Variants in EPC1 observed in about 807,000 individuals in gnomAD.
EPC1 encodes the protein enhancer of polycomb homolog 1.
In EPC1, 12 loss-of-function variants were observed where a neutral mutation model predicts 98.4. That is an observed-to-expected ratio of 0.12 (90% CI 0.08 to 0.20). EPC1 has a LOEUF of 0.20. Among genes scored for constraint, EPC1 ranks in the 10% least tolerant of loss-of-function variants. EPC1 has a pLI of 1.00. For missense variants in EPC1, 729 were observed against 990.5 expected (o/e 0.74, Z 3.54); for synonymous variants, 357 against 363.9 (o/e 0.98, Z 0.21).
intron 10 of EPC1, among the ~76,000 whole-genome samples, chr10:32,279,823 G>A (rs907912891): frequency 7.2e-5 from 11 of 151,956 alleles, no homozygotes; most frequent in African/African-American, 2.2e-4. Context: ...AACTGTATTT[G>A]GAAACTGTCC....
intron 1 of EPC1, chr10:32,345,364 TAAAC>T (rs1452185784): frequency 3.0e-5 from 30 of 985,448 alleles, no homozygotes; most frequent in Non-Finnish European, 3.4e-5. Flanking sequence ...TTTAAAAGGT[TAAAC>T]AACCCAAAGA....
chr10:32,339,007 C>A (rs114513342), intron 1 of EPC1, among the ~76,000 whole-genome samples: 3,861 of 151,736 alleles, frequency 0.025, 165 homozygotes, highest in African/African-American at 0.089. Flanking sequence ...ATCTCAAATT[C>A]TCATGACAAT....
intron 6 of EPC1, 92 bp from the exon 7 acceptor site, chr10:32,287,366 A>G: frequency 4.9e-6 from 6 of 1,235,690 alleles, no homozygotes; most frequent in Non-Finnish European, 6.9e-6. Context: ...GTTTATTGCT[A>G]TAATGAGGGC....
chr10:32,289,241 C>G (rs1409842762), intron 6 of EPC1, among the ~76,000 whole-genome samples: 1 of 152,034 alleles, frequency 6.6e-6, no homozygotes, highest in Middle Eastern at 3.2e-3. Context: ...TGGGGCACAG[C>G]TCTAACTTTC....
intron 1 of EPC1, chr10:32,345,264 C>G (rs772641466): frequency 2.0e-4 from 195 of 985,272 alleles, no homozygotes; most frequent in Admixed American, 6.1e-4. Context: ...ACTAGACAAT[C>G]TGAGCTACTA....
At chr10:32,269,746 A>G (rs112311176) in intron 13 of EPC1, among the ~76,000 whole-genome samples, 181 of 152,366 alleles carry the variant, frequency 1.2e-3, no homozygotes, top group African/African-American at 3.7e-3. Context: ...TAGCTGACAG[A>G]TGAGCTATAT....
At chr10:32,339,296 G>C (rs1330187789) in intron 1 of EPC1, among the ~76,000 whole-genome samples, 5 of 152,168 alleles carry the variant, frequency 3.3e-5, no homozygotes, top group Admixed American at 2.0e-4. Context: ...TTACAGTCAA[G>C]AAAACCTGGG....
In EPC1 at chr10:32,271,850, C is replaced by A; in HGVS notation, c.2073G>T (p.Thr691=). The stretch of plus-strand genomic sequence containing the variant: ...AAGGCTGTAACAAAGCTGAACCTGC[C>A]GTTGATGGACTTGTATGTACAAGTG... ...PTALVHTSPS[T]AGSALLQPSN... is the part of the protein sequence containing the mutation. Residue 691 remains threonine, a synonymous_variant, in exon 13 of 14, where the codon ACG becomes ACT. Transcript: ENST00000319778. 6.2e-7 allele frequency: 1 copy of A among 1,614,024 alleles called. No homozygotes were observed. The highest frequency in any genetic ancestry group is 8.5e-7 in the Non-Finnish European group (1 of 1,180,008).
At chr10:32,370,589 C>T (rs1307049892) in intron 1 of EPC1, among the ~76,000 whole-genome samples, 1 of 152,084 alleles carries the variant, frequency 6.6e-6, no homozygotes, top group Non-Finnish European at 1.5e-5. Context: ...CAGTGGTGCA[C>T]GAGTGTGAGC....
At chr10:32,357,511 A>C (rs1267184827) in intron 1 of EPC1, among the ~76,000 whole-genome samples, 4 of 152,204 alleles carry the variant, frequency 2.6e-5, no homozygotes, top group Non-Finnish European at 5.9e-5. Context: ...CCCAGGCTGC[A>C]GTGCAGTTGT....
intron 1 of EPC1, among the ~76,000 whole-genome samples, chr10:32,317,458 A>T (rs1221157311): frequency 1.3e-5 from 2 of 151,876 alleles, no homozygotes; most frequent in Non-Finnish European, 2.9e-5. Context: ...CCTGACCAAC[A>T]TAGGGAAACC....
chr10:32,364,535 C>G (rs182611137), intron 1 of EPC1, among the ~76,000 whole-genome samples: 2 of 152,278 alleles, frequency 1.3e-5, no homozygotes, highest in African/African-American at 4.8e-5. Flanking sequence ...GTTGAATGGT[C>G]TTGATGTTAA....
intron 1 of EPC1, among the ~76,000 whole-genome samples, chr10:32,352,444 C>T (rs1839142664): frequency 6.6e-6 from 1 of 152,090 alleles, no homozygotes; most frequent in African/African-American, 2.4e-5. Flanking sequence ...CTAAGTAAAA[C>T]AAACCATGTA....
At chr10:32,368,729 G>C (rs1297262172) in intron 1 of EPC1, among the ~76,000 whole-genome samples, 1 of 152,094 alleles carries the variant, frequency 6.6e-6, no homozygotes, top group African/African-American at 2.4e-5. Context: ...ACCTGAATGC[G>C]GTAATCTTTT....
chr10:32,303,906 G>C (rs1027946136), intron 2 of EPC1, among the ~76,000 whole-genome samples: 1 of 152,258 alleles, frequency 6.6e-6, no homozygotes, highest in African/African-American at 2.4e-5. Flanking sequence ...TGGAGGAACT[G>C]TGCAGGAGAC....
chr10:32,271,372 T>C (rs751112044), intron 13 of EPC1, among the ~76,000 whole-genome samples, 182 bp downstream of exon 13: 27 of 152,312 alleles, frequency 1.8e-4, no homozygotes, highest in Non-Finnish European at 2.9e-4. Flanking sequence ...ATTCTTAATA[T>C]TGAATTAAGT....
rs146645563 is a variant in EPC1, at chr10:32,368,589, A to G, written c.3+9902T>C. Among the ~76,000 whole-genome samples the G allele has an allele frequency of 9.4e-3, 1,435 of 152,290 alleles. 20 individuals are homozygous for G. The highest frequency in any genetic ancestry group is 0.033 in the African/African-American group (1,371 of 41,536). ...TTTTTTAATGTAGTAGAAATTCAAT[A>G]AAGATTTATTTAATGAAAGAAAAGC... On this transcript the variant is annotated intron_variant, in intron 1 of 13. Coordinates refer to the EPC1 transcript ENST00000375110.
chr10:32,335,915 A>T (rs1268727678), intron 1 of EPC1, among the ~76,000 whole-genome samples: 1 of 152,026 alleles, frequency 6.6e-6, no homozygotes, highest in East Asian at 1.9e-4. Flanking sequence ...TCACTCACTC[A>T]AGCACTCCCA....
intron 1 of EPC1, among the ~76,000 whole-genome samples, chr10:32,313,076 A>T (rs912830978): frequency 6.8e-6 from 1 of 148,088 alleles, no homozygotes; most frequent in Non-Finnish European, 1.5e-5. Context: ...TGAAACTTAG[A>T]TTTTTTTTTT....
Sources: gnomAD v4.1 joint callset for allele counts (sites outside exome capture counted in the v4.1 genomes callset) on GRCh38, gnomAD v4.1.1 for gene constraint, MANE v1.5 for transcripts, NCBI Gene and HGNC (gene_info 2026-07-23, HGNC 2026-07-21) for gene names.